Variants in TENM1 observed in about 807,000 individuals in gnomAD.
The protein encoded by TENM1 is teneurin transmembrane protein 1.
TENM1 carries 35 observed loss-of-function variants against 174.8 expected under a neutral mutation model. The observed-to-expected ratio is 0.20, with a 90% CI of 0.15 to 0.27. TENM1 has a LOEUF of 0.27. Ranked by LOEUF, TENM1 falls within the 10% of genes least tolerant of loss-of-function variation. TENM1 has a pLI of 1.00. For missense variants in TENM1, 1,633 were observed against 2,130.1 expected (o/e 0.77, Z 4.59); for synonymous variants, 781 against 798.7 (o/e 0.98, Z 0.37).
chrX:124,576,895 A>G (rs1436690133), intron 11 of TENM1, among the ~76,000 whole-genome samples: 3 of 111,716 alleles, frequency 2.7e-5, no homozygotes, highest in Non-Finnish European at 5.6e-5. Flanking sequence ...TAAATTACCT[A>G]CATGGTGTTA....
rs2052762199 is a variant in TENM1, at chrX:124,700,966, G to A, written c.1015+4047C>T. Reference sequence around the variant, plus strand: ...TGAATTTTGCTGCAGAGAGCAACATGAAGAAGGCCCTTTGCCCTCTTGAAT... The same window carrying A: ...TGAATTTTGCTGCAGAGAGCAACATAAAGAAGGCCCTTTGCCCTCTTGAAT... On this transcript the variant is annotated intron_variant, in intron 5 of 31. Transcript: ENST00000422452. Among the ~76,000 whole-genome samples the A allele has an allele frequency of 3.6e-5, 4 of 111,681 alleles. No individual in the cohort carries two copies. The Admixed American group carries it at 3.8e-4, about 11-fold the overall frequency.
chrX:124,518,601 T>C (rs900807641), intron 18 of TENM1, among the ~76,000 whole-genome samples: 1 of 111,963 alleles, frequency 8.9e-6, no homozygotes, highest in Non-Finnish European at 1.9e-5. Flanking sequence ...AACTGACATT[T>C]GTTGAATTCT....
chrX:124,948,505 G>A (rs1367682138), intron 1 of TENM1, among the ~76,000 whole-genome samples: 1 of 112,047 alleles, frequency 8.9e-6, no homozygotes, highest in African/African-American at 3.3e-5. Flanking sequence ...ACTCTTTCAG[G>A]GTTTAAAAAT....
intron 14 of TENM1, among the ~76,000 whole-genome samples, chrX:124,559,593 C>T (rs753375625): frequency 9.1e-6 from 1 of 110,225 alleles, no homozygotes; most frequent in Non-Finnish European, 1.9e-5. Context: ...ACCTGAGCTC[C>T]AGAGGCAGAG....
chrX:124,606,093 T>C (rs752545360), intron 11 of TENM1, among the ~76,000 whole-genome samples: 1 of 111,575 alleles, frequency 9.0e-6, no homozygotes, highest in South Asian at 3.7e-4. Context: ...GTATTTAGAT[T>C]ACAATGCATT....
chrX:125,149,513 T>C, the TENM1 span, among the ~76,000 whole-genome samples: 4 of 112,366 alleles, frequency 3.6e-5, no homozygotes, highest in Non-Finnish European at 7.5e-5. Context: ...AGGAAATATT[T>C]CGTTCTTAAT....
At chrX:125,088,698 C>A in the TENM1 span, among the ~76,000 whole-genome samples, 2 of 110,001 alleles carry the variant, frequency 1.8e-5, no homozygotes, top group African/African-American at 3.3e-5. Flanking sequence ...AACAGATAAG[C>A]CTTTCTGAAC....
chrX:124,734,876 G>A (rs1198911805), intron 4 of TENM1, among the ~76,000 whole-genome samples: 1 of 111,806 alleles, frequency 8.9e-6, no homozygotes, highest in Non-Finnish European at 1.9e-5. Flanking sequence ...AAAAGTTTCT[G>A]TAAATTGGAT....
chrX:124,920,904 T>C (rs746875057), intron 1 of TENM1, among the ~76,000 whole-genome samples: 2 of 109,813 alleles, frequency 1.8e-5, no homozygotes, highest in Non-Finnish European at 3.8e-5. Flanking sequence ...GGGCATTCAA[T>C]TTTTACATTA....
the TENM1 span, among the ~76,000 whole-genome samples, chrX:125,076,448 G>T: frequency 1.8e-5 from 2 of 111,501 alleles, no homozygotes; most frequent in Non-Finnish European, 3.8e-5. Context: ...TCTAGTAAAT[G>T]CTTCCTCCAG....
intron 20 of TENM1, among the ~76,000 whole-genome samples, chrX:124,489,331 G>T (rs2047016914): frequency 8.9e-6 from 1 of 112,170 alleles, no homozygotes; most frequent in Non-Finnish European, 1.9e-5. Flanking sequence ...GTGATGAAAG[G>T]GTCATGTACT....
At chrX:124,703,215 C>A (rs7064727) in intron 5 of TENM1, among the ~76,000 whole-genome samples, 3 of 111,335 alleles carry the variant, frequency 2.7e-5, no homozygotes, top group Non-Finnish European at 5.7e-5. Flanking sequence ...CAAGGAAACA[C>A]ACCTAATAAG....
the TENM1 span, among the ~76,000 whole-genome samples, chrX:125,045,578 C>T: frequency 9.0e-6 from 1 of 111,229 alleles, no homozygotes; most frequent in Admixed American, 9.6e-5. Flanking sequence ...TGGCTATAGA[C>T]GATCTATATT....
chrX:124,580,527 TAC>T (rs1602704113), intron 11 of TENM1, among the ~76,000 whole-genome samples: 2 of 109,390 alleles, frequency 1.8e-5, no homozygotes, highest in South Asian at 7.9e-4. Flanking sequence ...CACACACACA[TAC>T]ACACAGAGTT....
intron 22 of TENM1, 35 bp downstream of exon 25, chrX:124,481,697 A>ATATATATATATATATT: frequency 3.9e-6 from 1 of 253,182 alleles, no homozygotes; most frequent in Non-Finnish European, 6.6e-6. Context: ...ACCCAAGGGT[A>ATATATATATATATATT]TATATATATA....
At chrX:124,713,638 C>T in intron 4 of TENM1, among the ~76,000 whole-genome samples, 1 of 112,383 alleles carries the variant, frequency 8.9e-6, no homozygotes, top group Non-Finnish European at 1.9e-5. Flanking sequence ...AATATCTGCC[C>T]TATCTGGTCA....
the TENM1 span, among the ~76,000 whole-genome samples, chrX:125,091,540 A>G: frequency 8.9e-6 from 1 of 111,735 alleles, no homozygotes; most frequent in Non-Finnish European, 1.9e-5. Flanking sequence ...CAGAGAGCTG[A>G]TTCATGGGGG....
chrX:124,422,386 C>T (rs202162254), exon 24 of TENM1: 44 of 1,209,668 alleles, frequency 3.6e-5, no homozygotes, highest in Non-Finnish European at 2.6e-5. Flanking sequence ...ACTTTCCTCT[C>T]GTCTGTTTCA....
chrX:124,473,457 G>T (rs2061356849), intron 22 of TENM1, among the ~76,000 whole-genome samples: 3 of 111,533 alleles, frequency 2.7e-5, no homozygotes, highest in Non-Finnish European at 3.8e-5. Flanking sequence ...GGGAAGCAAA[G>T]TTATTTTGGC....
Sources: gnomAD v4.1 joint callset for allele counts (sites outside exome capture counted in the v4.1 genomes callset) on GRCh38, gnomAD v4.1.1 for gene constraint, MANE v1.5 for transcripts, NCBI Gene and HGNC (gene_info 2026-07-23, HGNC 2026-07-21) for gene names.